Variants in ADAMTS17 observed in about 807,000 individuals in gnomAD.
The protein encoded by ADAMTS17 is ADAM metallopeptidase with thrombospondin type 1 motif 17.
A neutral mutation model predicts 141.5 loss-of-function variants in ADAMTS17; 113 were observed. That is an observed-to-expected ratio of 0.80 (90% CI 0.69 to 0.93). The LOEUF (loss-of-function observed/expected upper bound fraction) is 0.93, where lower values mean the gene tolerates loss of function less well. Ranked by LOEUF, ADAMTS17 falls within the 40% of genes least tolerant of loss-of-function variation. The pLI, the probability that ADAMTS17 is intolerant of heterozygous loss-of-function variation, is 0.00. For missense variants in ADAMTS17, 1,659 were observed against 1,517.9 expected (o/e 1.09, Z -1.54); for synonymous variants, 768 against 630.6 (o/e 1.22, Z -3.27).
intron 21 of ADAMTS17, among the ~76,000 whole-genome samples, chr15:99,975,760 G>A (rs1221056259): frequency 1.3e-5 from 2 of 152,180 alleles, no homozygotes; most frequent in Non-Finnish European, 2.9e-5. Context: ...CTCATGCACA[G>A]GAAACCTACA....
chr15:100,323,084 C>CAAAAAAAAA (rs60468549), intron 3 of ADAMTS17, among the ~76,000 whole-genome samples: 2 of 107,480 alleles, frequency 1.9e-5, no homozygotes, highest in African/African-American at 4.0e-5. Context: ...GACTCCGTCT[C>CAAAAAAAAA]AAAAAAAAAA....
rs375436152 is a variant in ADAMTS17 at position 100,053,960 on chromosome 15, C to T, written c.2232G>A (p.Val744=). ...FQIAGTTVRY[V]RRGLWEKISA... ...AGATCTTCTCCCACAGCCCCCTTCTCACATAGCGAACAGTTGTGCCTGCAA... is the reference window on the plus strand; with the variant it reads ...AGATCTTCTCCCACAGCCCCCTTCTTACATAGCGAACAGTTGTGCCTGCAA... The change falls in exon 16 of 22, where the codon GTG becomes GTA. Residue 744 remains valine (V), a synonymous_variant. Transcript: ENST00000268070. The T allele has an allele frequency of 1.2e-6, 2 of 1,614,088 alleles. No individual in the cohort carries two copies. Among genetic ancestry groups the T allele is most frequent in the African/African-American group, 1.3e-5 (1 of 74,922 alleles).
intron 8 of ADAMTS17, among the ~76,000 whole-genome samples, chr15:100,193,545 T>C (rs1024979048): frequency 2.6e-5 from 4 of 152,146 alleles, no homozygotes; most frequent in Non-Finnish European, 4.4e-5. Context: ...CCTCCAATGT[T>C]GCGTCTTCCG....
intron 12 of ADAMTS17, among the ~76,000 whole-genome samples, chr15:100,127,990 C>G (rs926444229): frequency 8.6e-5 from 13 of 151,918 alleles, no homozygotes; most frequent in African/African-American, 2.9e-4. Flanking sequence ...GAACCCAGTG[C>G]GTGGTGCAGG....
At chr15:100,177,684 T>C (rs2040384600) in intron 8 of ADAMTS17, among the ~76,000 whole-genome samples, 1 of 152,214 alleles carries the variant, frequency 6.6e-6, no homozygotes, top group Admixed American at 6.5e-5. Context: ...TGGTTCTATA[T>C]CCTTGCTAAT....
intron 8 of ADAMTS17, among the ~76,000 whole-genome samples, chr15:100,188,848 C>A (rs183749350): frequency 2.5e-4 from 38 of 152,278 alleles, no homozygotes; most frequent in African/African-American, 8.9e-4. Context: ...AGAGCAGGGA[C>A]CAGAGAAGAG....
intron 20 of ADAMTS17, among the ~76,000 whole-genome samples, chr15:99,977,763 A>C (rs2141272620): frequency 1.3e-5 from 2 of 152,090 alleles, no homozygotes; most frequent in Middle Eastern, 3.4e-3. Context: ...CTGGCCAGGT[A>C]TCTGAGTCCT....
intron 7 of ADAMTS17, among the ~76,000 whole-genome samples, chr15:100,247,059 A>G (rs763279903): frequency 2.6e-5 from 4 of 151,182 alleles, no homozygotes; most frequent in Non-Finnish European, 5.9e-5. Context: ...AATTTTTTGT[A>G]TTTTTTTTGT....
chr15:100,081,906 C>T (rs1482264731), intron 15 of ADAMTS17, among the ~76,000 whole-genome samples: 2 of 152,118 alleles, frequency 1.3e-5, no homozygotes, highest in East Asian at 3.9e-4. Flanking sequence ...ATTTTTCTAC[C>T]ATCTTTTATT....
chr15:100,002,536 C>A (rs1248734992), intron 18 of ADAMTS17, among the ~76,000 whole-genome samples: 1 of 152,030 alleles, frequency 6.6e-6, no homozygotes. Flanking sequence ...CTCAGCAGTC[C>A]TGCCCTGATG....
At chr15:100,287,537 C>A (rs2044486792) in intron 3 of ADAMTS17, among the ~76,000 whole-genome samples, 4 of 152,090 alleles carry the variant, frequency 2.6e-5, no homozygotes, top group Admixed American at 2.6e-4. Context: ...ATAGAGAACC[C>A]CTGAAAGATC....
intron 7 of ADAMTS17, among the ~76,000 whole-genome samples, chr15:100,240,903 G>A (rs2042809259): frequency 6.6e-6 from 1 of 152,146 alleles, no homozygotes. Context: ...TCAGCTCACT[G>A]CAACCTCCGC....
chr15:100,217,785 C>A (rs749884675), intron 7 of ADAMTS17, among the ~76,000 whole-genome samples: 4 of 152,174 alleles, frequency 2.6e-5, no homozygotes, highest in Non-Finnish European at 5.9e-5. Context: ...TGCCAATCAT[C>A]TATCTGGTAA....
At chr15:99,988,755 G>A (rs2060639203) in intron 20 of ADAMTS17, among the ~76,000 whole-genome samples, 1 of 152,204 alleles carries the variant, frequency 6.6e-6, no homozygotes, top group Admixed American at 6.5e-5. Flanking sequence ...TTCCCGGAAG[G>A]CTGAAGGTCC....
chr15:99,991,070 A>G (rs2060681016), intron 20 of ADAMTS17, among the ~76,000 whole-genome samples: 1 of 152,248 alleles, frequency 6.6e-6, no homozygotes, highest in African/African-American at 2.4e-5. Flanking sequence ...TGAAAACCCT[A>G]GAAGAAAACC....
At chr15:100,056,522 A>G (rs540602480) in intron 15 of ADAMTS17, among the ~76,000 whole-genome samples, 1 of 152,292 alleles carries the variant, frequency 6.6e-6, no homozygotes, top group East Asian at 1.9e-4. Flanking sequence ...TAAGGCATGC[A>G]CAACCCAGAT....
At chr15:100,150,696 C>G (rs1290189655) in intron 10 of ADAMTS17, among the ~76,000 whole-genome samples, 1 of 152,172 alleles carries the variant, frequency 6.6e-6, no homozygotes, top group East Asian at 1.9e-4. Context: ...TAATCCTGCC[C>G]TGTAGGGCCA....
chr15:100,246,681 T>C (rs1390298835), intron 7 of ADAMTS17, among the ~76,000 whole-genome samples: 3 of 152,182 alleles, frequency 2.0e-5, no homozygotes, highest in Non-Finnish European at 4.4e-5. Context: ...GAAGGAGTCA[T>C]TTGCCCTCGT....
chr15:100,094,394 G>C (rs1310816571), intron 15 of ADAMTS17, among the ~76,000 whole-genome samples: 1 of 152,260 alleles, frequency 6.6e-6, no homozygotes, highest in East Asian at 1.9e-4. Flanking sequence ...AAGGGAAAGG[G>C]GTGAGCAGGA....
Sources: gnomAD v4.1 joint callset for allele counts (sites outside exome capture counted in the v4.1 genomes callset) on GRCh38, gnomAD v4.1.1 for gene constraint, MANE v1.5 for transcripts, NCBI Gene and HGNC (gene_info 2026-07-23, HGNC 2026-07-21) for gene names.